HHIPL2: variants seen among roughly 807,000 people sequenced by gnomAD.
HHIPL2 encodes the protein HHIP like 2, also known as HHIP-like protein 2.
A neutral mutation model predicts 61.0 loss-of-function variants in HHIPL2; 61 were observed. The observed-to-expected ratio is 1.00, with a 90% CI of 0.81 to 1.24. HHIPL2 has a LOEUF of 1.24. Ranked by LOEUF, HHIPL2 falls within the 50% of genes most tolerant of loss-of-function variation. The pLI is 0.00. For missense variants in HHIPL2, 885 were observed against 910.2 expected (o/e 0.97, Z 0.36); for synonymous variants, 343 against 357.4 (o/e 0.96, Z 0.45).
chr1:222,545,030 G>A (rs2102623520), intron 1 of HHIPL2, among the ~76,000 whole-genome samples: 1 of 152,308 alleles, frequency 6.6e-6, no homozygotes, highest in East Asian at 1.9e-4. Flanking sequence ...TTGCTCAAAG[G>A]AGTATCTGCT....
intron 5 of HHIPL2, among the ~76,000 whole-genome samples, chr1:222,536,045 G>T (rs770624800): frequency 1.3e-5 from 2 of 151,746 alleles, no homozygotes; most frequent in Non-Finnish European, 2.9e-5. Flanking sequence ...TATTAGAAAA[G>T]ATGAAAGGTC....
chr1:222,534,810 C>G (rs906917750), intron 5 of HHIPL2, among the ~76,000 whole-genome samples: 3 of 152,030 alleles, frequency 2.0e-5, no homozygotes, highest in Non-Finnish European at 4.4e-5. Flanking sequence ...ATAAATAGAT[C>G]ATCAGCGAAC....
intron 5 of HHIPL2, among the ~76,000 whole-genome samples, chr1:222,533,804 G>C (rs922180083): frequency 6.6e-6 from 1 of 152,162 alleles, no homozygotes; most frequent in African/African-American, 2.4e-5. Flanking sequence ...AGCCCAGCAG[G>C]CTCCTTGAGC....
intron 3 of HHIPL2, 138 bp from the exon 4 acceptor site, chr1:222,540,479 T>C (rs2102619703): frequency 1.5e-6 from 1 of 662,336 alleles, no homozygotes; most frequent in East Asian, 2.8e-5. Context: ...TGACTTCTTA[T>C]TTTCCTTCTT....
In HHIPL2 at chr1:222,526,930, G is replaced by A. The variant is rs1270893730; in HGVS notation, c.1805+39C>T. ...GGCCTGCCATGGAGATAAGAAATGA[G>A]AAAAATGCATTTGAGAAGAAAATGA... is the stretch of plus-strand genomic sequence containing the variant. On this transcript the variant is annotated intron_variant, in intron 7 of 8. Coordinates refer to ENST00000343410, the MANE Select transcript of HHIPL2 (RefSeq NM_024746.4). 3 of 1,534,288 alleles carry A rather than the reference G, an allele frequency of 2.0e-6. No homozygotes were observed. In the East Asian group the frequency reaches 6.7e-5, roughly 35 times the overall value.
chr1:222,535,053 T>A (rs1040953873), intron 5 of HHIPL2, among the ~76,000 whole-genome samples: 1 of 151,806 alleles, frequency 6.6e-6, no homozygotes, highest in East Asian at 1.9e-4. Context: ...AAACTAATGA[T>A]AAAGAGAAAA....
At chr1:222,524,927 C>T (rs1659027118) in intron 7 of HHIPL2, 1 of 152,134 alleles carries the variant, frequency 6.6e-6, no homozygotes. Flanking sequence ...AGTAGCTGTA[C>T]CTGGGGCAAG....
At chr1:222,546,110 G>A (rs139206135) in intron 1 of HHIPL2, among the ~76,000 whole-genome samples, 22 of 145,156 alleles carry the variant, frequency 1.5e-4, no homozygotes, top group Non-Finnish European at 2.3e-4. Flanking sequence ...TCTGTCTTAC[G>A]TGCCAGGCAC....
In HHIPL2 at chr1:222,522,818, G is replaced by A. The variant is rs1294410170; in HGVS notation, c.1958C>T (p.Ala653Val). Residue 653 changes from alanine (A) to valine (V), a missense_variant, in exon 9 of 9, where the codon GCT becomes GTT. By Grantham distance (64) the Ala-to-Val change is moderately conservative. Coordinates refer to ENST00000343410, the MANE Select transcript of HHIPL2 (RefSeq NM_024746.4). ...AGACAAACCCTGGGCTGGGCCAGAA[G>A]CTAAGGTTGCACTGGAAGATTTTCT... ...AARKSSSATL[A>V]SGPAQGLSEK... 2 of 1,614,060 alleles carry A rather than the reference G, an allele frequency of 1.2e-6. No homozygotes were observed. The highest frequency in any genetic ancestry group is 4.5e-5 in the East Asian group (2 of 44,888).
In HHIPL2 at chr1:222,540,006, TTACCCAAAGA is replaced by T; in HGVS notation, c.1444_1450+3del. The T allele has an allele frequency of 6.2e-7, 1 of 1,611,404 alleles. No individual in the cohort carries two copies. The highest frequency in any genetic ancestry group is 8.5e-7 in the Non-Finnish European group (1 of 1,177,986). On this transcript the variant is annotated splice_donor_variant and splice_donor_region_variant and coding_sequence_variant and intron_variant, in exon 4 of 9. Transcript: ENST00000343410. LOFTEE classifies it high-confidence loss of function. ...AGAAATCACCCAGAGAGCTTCTTAC[TTACCCAAAGA>T]GGCATTGTGACAAAGTTTTTTGTCA...
chr1:222,544,976 A>G (rs1238906284), intron 1 of HHIPL2, among the ~76,000 whole-genome samples: 1 of 152,236 alleles, frequency 6.6e-6, no homozygotes, highest in Non-Finnish European at 1.5e-5. Flanking sequence ...AATTGTGGCT[A>G]TAGGGCAATA....
chr1:222,538,956 A>G, intron 4 of HHIPL2, 182 bp from the exon 5 acceptor site: 1 of 555,720 alleles, frequency 1.8e-6, no homozygotes, highest in Non-Finnish European at 3.0e-6. Context: ...CATCCACAAT[A>G]TTTGCAAACT....
chr1:222,543,395 G>A (rs1034536408), intron 2 of HHIPL2, 142 bp downstream of exon 2: 62 of 832,488 alleles, frequency 7.4e-5, no homozygotes, highest in Middle Eastern at 2.7e-4. Flanking sequence ...AACTTGGGCC[G>A]TTCTCAATCC....
At chr1:222,547,239 C>T (rs1480005741) in intron 1 of HHIPL2, among the ~76,000 whole-genome samples, 1 of 152,182 alleles carries the variant, frequency 6.6e-6, no homozygotes, top group Non-Finnish European at 1.5e-5. Flanking sequence ...GAGTCTCCAA[C>T]CCCTGCCACC....
intron 6 of HHIPL2, among the ~76,000 whole-genome samples, chr1:222,528,409 T>C (rs553385952): frequency 6.6e-6 from 1 of 152,160 alleles, no homozygotes; most frequent in Non-Finnish European, 1.5e-5. Context: ...GAGTTCAAGA[T>C]GAGCCTGGCC....
At position 222,547,493 on chromosome 1, in the gene HHIPL2, G is replaced by A. The variant is rs536165902; in HGVS notation, c.321+231C>T. Among the ~76,000 whole-genome samples the A allele has an allele frequency of 7.9e-5, 12 of 152,238 alleles. 1 individual carries two copies. The South Asian group carries it at 2.3e-3, about 29-fold the overall frequency. On this transcript the variant is annotated intron_variant, in intron 1 of 8. Coordinates refer to ENST00000343410, the MANE Select transcript of HHIPL2 (RefSeq NM_024746.4). The stretch of plus-strand genomic sequence containing the variant: ...GTCCCTCTCATTCTCCTGGAGCCTG[G>A]AGAAGAATCAGGGCCAGCAGAATCC...
intron 7 of HHIPL2, chr1:222,523,974 G>A: frequency 2.3e-6 from 1 of 430,458 alleles, no homozygotes; most frequent in South Asian, 2.9e-5. Context: ...TGGTAACCAG[G>A]GGCAAAAAAC....
At chr1:222,524,638 T>C (rs1659022562) in intron 7 of HHIPL2, among the ~76,000 whole-genome samples, 1 of 152,162 alleles carries the variant, frequency 6.6e-6, no homozygotes, top group African/African-American at 2.4e-5. Flanking sequence ...CTCAAGTCCA[T>C]GTTCTCAACC....
chr1:222,523,746 G>T (rs3748662), intron 7 of HHIPL2, 52 bp from the exon 8 acceptor site: 6 of 1,557,634 alleles, frequency 3.9e-6, no homozygotes, highest in East Asian at 2.2e-5. Context: ...AGATGCAACC[G>T]GAAAATCAAG....
Sources: allele counts gnomAD v4.1 joint callset (sites outside exome capture counted in the v4.1 genomes callset), GRCh38; gene constraint gnomAD v4.1.1; transcripts MANE v1.5; gene names NCBI Gene and HGNC (gene_info 2026-07-23, HGNC 2026-07-21).